Variants in ERI1 observed in about 807,000 individuals in gnomAD.
ERI1 encodes exoribonuclease 1, also known as 3'-5' exoribonuclease 1.
ERI1 carries 39 observed loss-of-function variants against 39.7 expected under a neutral mutation model. The ratio of observed to expected loss-of-function variants is 0.98; its 90% CI spans 0.76 to 1.28. ERI1 has a LOEUF of 1.28. ERI1 is among the 50% of genes most tolerant of loss of function. The pLI, the probability that ERI1 is intolerant of heterozygous loss-of-function variation, is 0.00. For synonymous variants in ERI1, 204 were observed against 149.6 expected, an observed-to-expected ratio of 1.36 and a Z score of -2.65; for missense variants, 581 against 416.9, an observed-to-expected ratio of 1.39 and a Z score of -3.43.
intron 3 of ERI1, among the ~76,000 whole-genome samples, chr8:9,057,802 A>G (rs2117388956): frequency 6.6e-6 from 1 of 152,358 alleles, no homozygotes; most frequent in East Asian, 1.9e-4. Flanking sequence ...AAGTGTGGTC[A>G]GGACAGAGCC....
At chr8:9,081,581 T>G (rs566161184) in intron 3 of ERI1, among the ~76,000 whole-genome samples, 1 of 152,314 alleles carries the variant, frequency 6.6e-6, no homozygotes, top group Non-Finnish European at 1.5e-5. Flanking sequence ...TACCCATTTC[T>G]TCACTCTCTT....
chr8:9,058,319 G>C (rs1008526012), intron 3 of ERI1, among the ~76,000 whole-genome samples: 4 of 152,292 alleles, frequency 2.6e-5, no homozygotes, highest in African/African-American at 9.6e-5. Context: ...AGACCTCGTA[G>C]GTTGCTATGT....
At chr8:9,003,701 T>G (rs1288756168) in intron 1 of ERI1, among the ~76,000 whole-genome samples, 1 of 152,238 alleles carries the variant, frequency 6.6e-6, no homozygotes, top group African/African-American at 2.4e-5. Flanking sequence ...ATGAATCATT[T>G]TGACATCTCA....
chr8:9,003,228 C>A, intron 1 of ERI1, 57 bp downstream of exon 1: 1 of 1,052,766 alleles, frequency 9.5e-7, no homozygotes. Flanking sequence ...CCCAAAGCGC[C>A]CTCGGCACCC....
intron 6 of ERI1, among the ~76,000 whole-genome samples, chr8:9,029,546 G>T (rs1372074471): frequency 6.6e-6 from 1 of 152,112 alleles, no homozygotes; most frequent in Non-Finnish European, 1.5e-5. Flanking sequence ...CGCCAGGCTG[G>T]TCTCATACTC....
At chr8:9,061,180 A>G (rs1186665507) in intron 3 of ERI1, among the ~76,000 whole-genome samples, 2 of 152,168 alleles carry the variant, frequency 1.3e-5, no homozygotes, top group East Asian at 3.9e-4. Context: ...GGCCTGCTGG[A>G]ACTGCCATCA....
chr8:9,039,237 G>A (rs1797945340), intron 3 of ERI1, among the ~76,000 whole-genome samples: 1 of 152,064 alleles, frequency 6.6e-6, no homozygotes, highest in Non-Finnish European at 1.5e-5. Flanking sequence ...ACACCTTTTA[G>A]GATATAATAC....
intron 3 of ERI1, among the ~76,000 whole-genome samples, chr8:9,072,762 A>G (rs1047747882): frequency 5.9e-5 from 9 of 152,286 alleles, no homozygotes; most frequent in Non-Finnish European, 1.3e-4. Flanking sequence ...GCTAAGGAAC[A>G]GAGTGACCCC....
rs571633192 is a variant in ERI1, at chr8:9,010,825, C to T, written c.288-717C>T. On this transcript the variant is annotated intron_variant, in intron 2 of 6. Coordinates refer to ENST00000250263, the MANE Select transcript of ERI1 (RefSeq NM_153332.4). ...GACCTTTCTCTCCTCCCCACTACTC[C>T]ATTTGTGGAATGTATATTTTAAAGC... 3.3e-5 allele frequency among the ~76,000 whole-genome samples: 5 copies of T among 152,258 alleles called. No homozygotes were observed. The South Asian group carries it at 1.0e-3, about 32-fold the overall frequency.
chr8:9,062,048 C>G (rs1056462732), intron 3 of ERI1, among the ~76,000 whole-genome samples: 3 of 152,220 alleles, frequency 2.0e-5, no homozygotes, highest in Non-Finnish European at 2.9e-5. Context: ...TTGAACTAAC[C>G]TGTAAACTTT....
At chr8:9,039,534 TTTAAC>T (rs1797952891) in intron 3 of ERI1, among the ~76,000 whole-genome samples, 3 of 152,302 alleles carry the variant, frequency 2.0e-5, no homozygotes, top group South Asian at 2.1e-4. Flanking sequence ...ATTTCCCTTA[TTTAAC>T]TTATAACAAG....
chr8:9,074,636 G>A (rs988747834), intron 3 of ERI1, among the ~76,000 whole-genome samples: 2 of 152,056 alleles, frequency 1.3e-5, no homozygotes, highest in Admixed American at 6.6e-5. Context: ...GTCTCACTTT[G>A]TTGCCCAGGC....
rs956347841 is a variant in ERI1 at position 9,014,050 on chromosome 8, C to G, written c.499-2272C>G. Among the ~76,000 whole-genome samples the G allele has an allele frequency of 3.9e-5, 6 of 152,338 alleles. No homozygotes were observed. In the East Asian group the frequency reaches 1.2e-3, roughly 29 times the overall value. On this transcript the variant is annotated intron_variant, in intron 3 of 6. Transcript: ENST00000250263. The stretch of plus-strand genomic sequence containing the variant: ...TTAAAATACAAGTCATTTCACCCCT[C>G]TGCTCAAAACCCTGCAATGGCTCCT...
chr8:9,003,410 G>A (rs1815590316), intron 1 of ERI1, among the ~76,000 whole-genome samples: 1 of 152,340 alleles, frequency 6.6e-6, no homozygotes, highest in South Asian at 2.1e-4. Flanking sequence ...TGTCTACAGT[G>A]GGTTAACAGG....
Position 9,030,187 on chromosome 8 carries a change from C to T in ERI1, c.*153C>T, listed in dbSNP as rs552910546. ...ATAGAGATAGATACATGTATGTGAACAGATTTTGTAGGAAGGCATACTGAA... is the reference window on the plus strand; with the variant it reads ...ATAGAGATAGATACATGTATGTGAATAGATTTTGTAGGAAGGCATACTGAA... On this transcript the variant is annotated 3_prime_UTR_variant, in exon 7 of 7. Transcript: ENST00000250263. The T allele has an allele frequency of 1.2e-3, 1,275 of 1,034,324 alleles. 4 individuals carry two copies. Among genetic ancestry groups the T allele is most frequent in the South Asian group, 1.7e-3 (102 of 58,808 alleles). The allele number at this position is 1,034,324 out of a possible 1,614,324, so 64.1% of individuals were successfully genotyped here.
intron 6 of ERI1, among the ~76,000 whole-genome samples, chr8:9,026,467 G>C (rs1285944487): frequency 6.6e-6 from 1 of 152,108 alleles, no homozygotes; most frequent in Non-Finnish European, 1.5e-5. Context: ...CCTCTTATAA[G>C]TGGAGGCGTA....
intron 3 of ERI1, among the ~76,000 whole-genome samples, chr8:9,095,356 C>G (rs1799843730): frequency 6.6e-6 from 1 of 152,166 alleles, no homozygotes; most frequent in Non-Finnish European, 1.5e-5. Flanking sequence ...CCCGTTCTCT[C>G]TACCTCTCCC....
At chr8:9,019,672 G>T (rs999854799) in intron 5 of ERI1, among the ~76,000 whole-genome samples, 1 of 152,156 alleles carries the variant, frequency 6.6e-6, no homozygotes, top group African/African-American at 2.4e-5. Flanking sequence ...GTGTCCTGGG[G>T]ACATACACTT....
downstream of ERI1, among the ~76,000 whole-genome samples, chr8:9,033,654 G>A (rs1797739707): frequency 6.6e-6 from 1 of 152,246 alleles, no homozygotes; most frequent in African/African-American, 2.4e-5. Context: ...GTGATGGAGA[G>A]AGGCATTCTC....
Sources: gnomAD v4.1 joint callset for allele counts (sites outside exome capture counted in the v4.1 genomes callset) on GRCh38, gnomAD v4.1.1 for gene constraint, MANE v1.5 for transcripts, NCBI Gene and HGNC (gene_info 2026-07-23, HGNC 2026-07-21) for gene names.